Variants in DCDC1 observed in about 807,000 individuals in gnomAD.
DCDC1 encodes the protein doublecortin domain-containing protein 1.
Under a neutral mutation model 178.3 loss-of-function variants are expected in DCDC1, and 200 were observed. The observed-to-expected ratio is 1.12, with a 90% CI of 1.00 to 1.26. The LOEUF (loss-of-function observed/expected upper bound fraction) is 1.26, where lower values mean the gene tolerates loss of function less well. Among genes scored for constraint, DCDC1 ranks in the 50% most tolerant of loss-of-function variants. The pLI is 0.00. For synonymous variants in DCDC1, 690 were observed against 604.8 expected, an observed-to-expected ratio of 1.14 and a Z score of -2.07; for missense variants, 1,983 against 1,749.2, an observed-to-expected ratio of 1.13 and a Z score of -2.38.
chr11:31,298,523 C>G lies in DCDC1; in HGVS notation c.754+7092G>C, dbSNP rs772672048. 3.9e-5 allele frequency among the ~76,000 whole-genome samples: 6 copies of G among 152,254 alleles called. No individual in the cohort carries two copies. The East Asian group carries it at 7.7e-4, about 20-fold the overall frequency. ...TCAGCTGCTCAGGGACTGCCATGTC[C>G]GCCTGACTGTTCATATACTCTCCCA... On this transcript the variant is annotated intron_variant, in intron 6 of 38. Transcript: ENST00000684477.
chr11:30,913,984 A>G (rs1367238432), intron 27 of DCDC1, among the ~76,000 whole-genome samples: 4 of 152,242 alleles, frequency 2.6e-5, no homozygotes, highest in South Asian at 2.1e-4. Flanking sequence ...GCTAAATACA[A>G]TGTAGAAATG....
chr11:31,054,312 A>G (rs1955448700), intron 20 of DCDC1, among the ~76,000 whole-genome samples: 1 of 152,148 alleles, frequency 6.6e-6, no homozygotes, highest in South Asian at 2.1e-4. Context: ...AAGGAAAACT[A>G]CAAAACACTG....
At chr11:30,938,680 G>A (rs1363130960) in intron 21 of DCDC1, among the ~76,000 whole-genome samples, 3 of 152,168 alleles carry the variant, frequency 2.0e-5, no homozygotes, top group African/African-American at 7.2e-5. Flanking sequence ...ATCCCCATCT[G>A]AGCCAATCTT....
At chr11:31,045,228 C>T (rs1954756762) in intron 20 of DCDC1, among the ~76,000 whole-genome samples, 1 of 152,036 alleles carries the variant, frequency 6.6e-6, no homozygotes, top group African/African-American at 2.4e-5. Flanking sequence ...GTACTTCTTA[C>T]AAATAAAACA....
chr11:30,898,140 C>T (rs1944378186), intron 34 of DCDC1, among the ~76,000 whole-genome samples: 1 of 152,110 alleles, frequency 6.6e-6, no homozygotes, highest in South Asian at 2.1e-4. Context: ...CAGAAACTTA[C>T]AGAGAACAAG....
rs1041016819 is a variant in DCDC1 at position 30,864,551 on chromosome 11, T to C, written c.*822A>G. 1.3e-5 allele frequency: 2 copies of C among 152,240 alleles called. No homozygotes were observed. Among genetic ancestry groups the C allele is most frequent in the African/African-American group, 4.8e-5 (2 of 41,472 alleles). The allele number at this position is 152,240 out of a possible 1,614,324, so 9.4% of individuals were successfully genotyped here. ...TATTCCCATTGTACTGTTGTAATTT[T>C]GGTTTGCGGCTCAGGCCAAGAGTAG... is the stretch of plus-strand genomic sequence containing the variant. On this transcript the variant is annotated 3_prime_UTR_variant, in exon 39 of 39. Transcript: ENST00000684477.
At chr11:31,072,802 C>T (rs1956647691) in intron 18 of DCDC1, among the ~76,000 whole-genome samples, 1 of 152,022 alleles carries the variant, frequency 6.6e-6, no homozygotes, top group Non-Finnish European at 1.5e-5. Context: ...TACAAATTAT[C>T]AATTTGCTGT....
intron 33 of DCDC1, 125 bp from the exon 34 acceptor site, chr11:30,899,767 T>C (rs1944521598): frequency 7.4e-6 from 5 of 675,376 alleles, no homozygotes; most frequent in Non-Finnish European, 1.1e-5. Context: ...AAGGTAAGGG[T>C]CATTAAAAGA....
intron 11 of DCDC1, among the ~76,000 whole-genome samples, chr11:31,118,392 A>T (rs1283761270): frequency 6.6e-6 from 1 of 152,116 alleles, no homozygotes; most frequent in Non-Finnish European, 1.5e-5. Context: ...CACAATCAAA[A>T]CTAGGTAGAA....
At position 30,871,246 on chromosome 11, in the gene DCDC1, G is replaced by A. The variant is rs185966413; in HGVS notation, c.*41-5914C>T. 3.3e-5 allele frequency among the ~76,000 whole-genome samples: 5 copies of A among 152,280 alleles called. No homozygotes were observed. In the East Asian group the frequency reaches 9.7e-4, roughly 29 times the overall value. On this transcript the variant is annotated intron_variant, in intron 38 of 38. Transcript: ENST00000684477. ...TTAGTGTACAACAGAAGAGCCCTCGGATAAGTAGAAAATTCACATGAGGAC... is the reference window on the plus strand; with the variant it reads ...TTAGTGTACAACAGAAGAGCCCTCGAATAAGTAGAAAATTCACATGAGGAC...
chr11:31,048,985 T>C (rs1367683609), intron 20 of DCDC1, among the ~76,000 whole-genome samples: 1 of 152,252 alleles, frequency 6.6e-6, no homozygotes, highest in African/African-American at 2.4e-5. Context: ...TTTAGAAATA[T>C]TTAAAGAGGT....
intron 10 of DCDC1, among the ~76,000 whole-genome samples, chr11:31,130,012 T>C (rs1456509420): frequency 1.3e-5 from 2 of 152,102 alleles, no homozygotes; most frequent in East Asian, 1.9e-4. Flanking sequence ...AGTTAGATAA[T>C]GTTTAACCCA....
chr11:31,366,983 G>A (rs2133430121), intron 1 of DCDC1, among the ~76,000 whole-genome samples: 1 of 152,320 alleles, frequency 6.6e-6, no homozygotes, highest in Non-Finnish European at 1.5e-5. Flanking sequence ...CTTTCTTGAG[G>A]AAGGAACTGA....
intron 9 of DCDC1, among the ~76,000 whole-genome samples, chr11:31,217,577 T>C (rs1415835126): frequency 9.9e-5 from 15 of 152,106 alleles, no homozygotes; most frequent in Admixed American, 9.8e-4. Flanking sequence ...CTGGAAACTA[T>C]CTTCTACAGA....
intron 6 of DCDC1, among the ~76,000 whole-genome samples, chr11:31,303,803 C>A (rs1448914147): frequency 1.3e-5 from 2 of 152,074 alleles, no homozygotes; most frequent in Non-Finnish European, 2.9e-5. Flanking sequence ...CCTACAATTT[C>A]TTTTCTCAAA....
At chr11:31,063,775 A>G (rs929276613) in intron 20 of DCDC1, among the ~76,000 whole-genome samples, 7 of 152,172 alleles carry the variant, frequency 4.6e-5, no homozygotes, top group Admixed American at 3.9e-4. Context: ...ACTTTAGTGA[A>G]TATGATAAGA....
chr11:30,992,711 A>G (rs541033967), intron 20 of DCDC1: 1 of 152,302 alleles, frequency 6.6e-6, no homozygotes, highest in African/African-American at 2.4e-5. Flanking sequence ...ATTTTCAACC[A>G]CTATGTAAAC....
At chr11:31,089,997 C>T (rs35284574) in intron 17 of DCDC1, among the ~76,000 whole-genome samples, 2,357 of 152,194 alleles carry the variant, frequency 0.015, 68 homozygotes, top group African/African-American at 0.054. Flanking sequence ...TCCATAGTTT[C>T]GCATTGGCAT....
chr11:31,250,421 C>CATATATATATATATATATATATATACAT, intron 8 of DCDC1, among the ~76,000 whole-genome samples: 1 of 52,868 alleles, frequency 1.9e-5, no homozygotes, highest in Non-Finnish European at 4.8e-5. Context: ...CACACATATA[C>CATATATATATATATATATATATATACAT]ATATATATGT....
Sources: allele counts gnomAD v4.1 joint callset (sites outside exome capture counted in the v4.1 genomes callset), GRCh38; gene constraint gnomAD v4.1.1; transcripts MANE v1.5; gene names NCBI Gene and HGNC (gene_info 2026-07-23, HGNC 2026-07-21).